PSMD1: variants seen among roughly 807,000 people sequenced by gnomAD.
The protein encoded by PSMD1 is 26S proteasome non-ATPase regulatory subunit 1.
In PSMD1, 18 loss-of-function variants were observed where a neutral mutation model predicts 119.0. The ratio of observed to expected loss-of-function variants is 0.15; its 90% CI spans 0.10 to 0.22. PSMD1 has a LOEUF of 0.22. Ranked by LOEUF, PSMD1 falls within the 10% of genes least tolerant of loss-of-function variation. PSMD1 has a pLI of 1.00. For synonymous variants in PSMD1, 374 were observed against 396.6 expected, an observed-to-expected ratio of 0.94 and a Z score of 0.68; for missense variants, 702 against 1,158.5, an observed-to-expected ratio of 0.61 and a Z score of 5.72.
chr2:231,103,153 A>AT (rs1694908315), intron 16 of PSMD1, among the ~76,000 whole-genome samples: 1 of 152,186 alleles, frequency 6.6e-6, no homozygotes, highest in African/African-American at 2.4e-5. Context: ...ACTGTAAAAT[A>AT]TTTTTTTCCT....
chr2:231,162,592 G>A (rs995369985), intron 20 of PSMD1, among the ~76,000 whole-genome samples: 1 of 152,144 alleles, frequency 6.6e-6, no homozygotes, highest in Non-Finnish European at 1.5e-5. Flanking sequence ...GATGAAAATG[G>A]GATGGAGAAG....
At chr2:231,066,459 A>C (rs936826480) in intron 4 of PSMD1, among the ~76,000 whole-genome samples, 2 of 152,228 alleles carry the variant, frequency 1.3e-5, no homozygotes, top group African/African-American at 4.8e-5. Context: ...AGCAGCAGCT[A>C]TTTGTAGCCA....
In PSMD1 at chr2:231,165,967, C is replaced by T. The variant is rs777334316; in HGVS notation, c.2665C>T (p.Leu889Phe). 1.2e-6 allele frequency: 2 copies of T among 1,614,036 alleles called. No homozygotes were observed. Among genetic ancestry groups the T allele is most frequent in the Non-Finnish European group, 1.7e-6 (2 of 1,179,936 alleles). ...DNPARVMPAQ[L>F]KVLTMPETCR... ...CCCAGCCCGAGTTATGCCTGCCCAG[C>T]TTAAGGTCCTAACCATGCCGGAGAC... The change falls in exon 23 of 25, where the codon CTT becomes TTT. Residue 889 changes from leucine (L) to phenylalanine (F), a missense_variant. Leu to Phe is a conservative substitution (Grantham distance 22). Transcript: ENST00000308696.
intron 7 of PSMD1, 68 bp from the exon 8 acceptor site, chr2:231,075,443 G>C: frequency 7.2e-7 from 1 of 1,381,208 alleles, no homozygotes; most frequent in South Asian, 1.2e-5. Context: ...TTTGGACATG[G>C]TTCAGATCTG....
At position 231,062,491 on chromosome 2, in the gene PSMD1, C is replaced by A; in HGVS notation, c.135-15C>A. On this transcript the variant is annotated splice_polypyrimidine_tract_variant and intron_variant, in intron 3 of 24. Coordinates refer to ENST00000308696, the MANE Select transcript of PSMD1 (RefSeq NM_002807.4). Reference sequence around the variant, plus strand: ...CACAGTTTGAACTAGACCTGTACTTCCTAATTTCTTTCAGAGAGGTTTTAT... The same window carrying A: ...CACAGTTTGAACTAGACCTGTACTTACTAATTTCTTTCAGAGAGGTTTTAT... 6.3e-7 allele frequency: 1 copy of A among 1,576,980 alleles called. No individual in the cohort carries two copies. Among genetic ancestry groups the A allele is most frequent in the Non-Finnish European group, 8.6e-7 (1 of 1,164,358 alleles).
chr2:231,056,946 A>T lies in PSMD1; in HGVS notation c.-80A>T, dbSNP rs538680730. On this transcript the variant is annotated 5_prime_UTR_variant, in exon 1 of 25. Transcript: ENST00000308696. ...CCCGGGGAGCAAGGAGGCGCGGTGA[A>T]CTGAGCGGCCCCTGAGCTGACAGAT... The T allele has an allele frequency of 6.7e-3, 10,235 of 1,526,082 alleles. 73 individuals carry two copies. Among genetic ancestry groups the T allele is most frequent in the Middle Eastern group, 0.018 (96 of 5,214 alleles). The allele number at this position is 1,526,082 out of a possible 1,614,324, so 94.5% of individuals were successfully genotyped here. A position where few individuals can be genotyped will look rare whatever the true frequency, so the allele number is the denominator to read the frequency against.
chr2:231,083,043 A>ATTAC, intron 13 of PSMD1, 49 bp downstream of exon 13: 35 of 1,351,552 alleles, frequency 2.6e-5, no homozygotes, highest in Non-Finnish European at 3.3e-5. Context: ...AATTAATGTA[A>ATTAC]ATGTAATTAC....
chr2:231,094,916 T>C (rs1278622477), intron 16 of PSMD1, among the ~76,000 whole-genome samples: 1 of 152,234 alleles, frequency 6.6e-6, no homozygotes, highest in Non-Finnish European at 1.5e-5. Context: ...TAGTGACTGA[T>C]TGCATTGTCT....
At chr2:231,100,811 T>C (rs1462511911) in intron 16 of PSMD1, among the ~76,000 whole-genome samples, 2 of 152,182 alleles carry the variant, frequency 1.3e-5, no homozygotes, top group African/African-American at 4.8e-5. Context: ...TGTTGTCCCA[T>C]GATGAAACCC....
At chr2:231,063,591 ACTGTCCTTGGGATT>A (rs1693815658) in intron 4 of PSMD1, among the ~76,000 whole-genome samples, 1 of 152,230 alleles carries the variant, frequency 6.6e-6, no homozygotes, top group Non-Finnish European at 1.5e-5. Context: ...GGTACCATCA[ACTGTCCTTGGGATT>A]CTGTGTTCAT....
At chr2:231,107,105 C>T (rs1694995516) in intron 16 of PSMD1, among the ~76,000 whole-genome samples, 1 of 152,026 alleles carries the variant, frequency 6.6e-6, no homozygotes, top group South Asian at 2.1e-4. Flanking sequence ...GGGAAACATA[C>T]CTAAAGCTTT....
chr2:231,153,401 A>C (rs1263386807), intron 18 of PSMD1, 163 bp from the exon 19 acceptor site: 2 of 578,562 alleles, frequency 3.5e-6, no homozygotes. Context: ...CCGTGATTGC[A>C]ACCACGGAAC....
intron 19 of PSMD1, among the ~76,000 whole-genome samples, chr2:231,160,889 A>G (rs1478556420): frequency 6.6e-6 from 1 of 152,150 alleles, no homozygotes; most frequent in Non-Finnish European, 1.5e-5. Flanking sequence ...TCATCACCAG[A>G]TGTTTCCCTA....
At chr2:231,078,944 G>A (rs1189600371) in intron 10 of PSMD1, among the ~76,000 whole-genome samples, 197 bp downstream of exon 10, 1 of 151,948 alleles carries the variant, frequency 6.6e-6, no homozygotes, top group African/African-American at 2.4e-5. Flanking sequence ...ACAGGCGCAC[G>A]CCACTATGCC....
intron 16 of PSMD1, among the ~76,000 whole-genome samples, chr2:231,125,324 G>C (rs1481776127): frequency 6.6e-6 from 1 of 152,152 alleles, no homozygotes; most frequent in Non-Finnish European, 1.5e-5. Flanking sequence ...GTTTTGTTTG[G>C]GGTTAAGCCT....
At chr2:231,072,472 G>A in intron 7 of PSMD1, 57 bp downstream of exon 7, 3 of 1,446,688 alleles carry the variant, frequency 2.1e-6, no homozygotes, top group East Asian at 2.3e-5. Context: ...TTCATTTTGG[G>A]GACAGGTAGA....
chr2:231,056,955 C>G lies in PSMD1; in HGVS notation c.-71C>G, dbSNP rs77415113. The G allele has an allele frequency of 4.1e-3, 6,274 of 1,534,744 alleles. 233 individuals are homozygous for G. The African/African-American group carries it at 0.077, about 19-fold the overall frequency. On this transcript the variant is annotated 5_prime_UTR_variant, in exon 1 of 25. Coordinates refer to ENST00000308696, the MANE Select transcript of PSMD1 (RefSeq NM_002807.4). ...CAAGGAGGCGCGGTGAACTGAGCGG[C>G]CCCTGAGCTGACAGATACACTGCGC...
At position 231,163,893 on chromosome 2, in the gene PSMD1, A is replaced by G. The variant is rs144262902; in HGVS notation, c.2481+166A>G. Among the ~76,000 whole-genome samples the G allele has an allele frequency of 5.1e-3, 783 of 152,334 alleles. 6 individuals carry two copies. The highest frequency in any genetic ancestry group is 0.017 in the African/African-American group (719 of 41,568). On this transcript the variant is annotated intron_variant, in intron 21 of 24. Transcript: ENST00000308696. ...TGAAAGTCCTTTTTGTCTCTTGGTC[A>G]TCCAAGTCTCATGTCACAGGAGTCA...
chr2:231,135,759 T>C (rs1424260129), intron 16 of PSMD1, among the ~76,000 whole-genome samples: 1 of 152,124 alleles, frequency 6.6e-6, no homozygotes, highest in African/African-American at 2.4e-5. Context: ...ATATATTGCT[T>C]TTTTCACACC....
Sources: gnomAD v4.1 joint callset for allele counts (sites outside exome capture counted in the v4.1 genomes callset) on GRCh38, gnomAD v4.1.1 for gene constraint, MANE v1.5 for transcripts, NCBI Gene and HGNC (gene_info 2026-07-23, HGNC 2026-07-21) for gene names.